The following SPDYA variants were observed in gnomAD, a reference collection of about 807,000 sequenced individuals.
SPDYA encodes the protein speedy/RINGO cell cycle regulator family member A, also known as speedy protein A.
SPDYA carries 11 observed loss-of-function variants against 36.7 expected under a neutral mutation model. The observed-to-expected ratio is 0.30, with a 90% CI of 0.19 to 0.50. SPDYA has a LOEUF of 0.50. SPDYA is among the 20% of genes least tolerant of loss of function. The pLI, the probability that SPDYA is intolerant of heterozygous loss-of-function variation, is 0.98. For synonymous variants in SPDYA, 115 were observed against 118.7 expected, an observed-to-expected ratio of 0.97 and a Z score of 0.20; for missense variants, 287 against 370.9, an observed-to-expected ratio of 0.77 and a Z score of 1.86.
chr2:28,836,402 T>G (rs947063522), intron 6 of SPDYA, among the ~76,000 whole-genome samples: 1 of 152,204 alleles, frequency 6.6e-6, no homozygotes, highest in Non-Finnish European at 1.5e-5. Context: ...CTTAGTAAGA[T>G]TGTGATTTGT....
chr2:28,829,249 T>C lies in SPDYA; in HGVS notation c.482T>C (p.Leu161Ser). Residue 161 changes from leucine (L) to serine (S), a missense_variant, in exon 6 of 8, where the codon TTA becomes TCA. Transcript: ENST00000334056. ...KNWRKLFPNFLKLRDQLWDRI... is the reference protein window; with the variant it reads ...KNWRKLFPNFSKLRDQLWDRI... Reference sequence around the variant, plus strand: ...TGGAGAAAATTGTTCCCTAATTTCTTAAAGTTAAGGGACCAGCTCTGGGAT... The same window carrying C: ...TGGAGAAAATTGTTCCCTAATTTCTCAAAGTTAAGGGACCAGCTCTGGGAT... 6.2e-7 allele frequency: 1 copy of C among 1,614,068 alleles called. No individual in the cohort carries two copies. The highest frequency in any genetic ancestry group is 2.2e-5 in the East Asian group (1 of 44,852).
At position 28,811,497 on chromosome 2, in the gene SPDYA, C is replaced by G. The variant is rs1667843924; in HGVS notation, c.-93+550C>G. On this transcript the variant is annotated intron_variant, in intron 1 of 7. Transcript: ENST00000334056. This position sits in a 1 kb window ranked among gnomAD's most constrained non-coding sequence, Gnocchi z 4.2. ...CTGTGTCTCAGTACCAGGCCCGTAGCTCATTTCTCAGAATTCACGAAGATT... is the reference window on the plus strand; with the variant it reads ...CTGTGTCTCAGTACCAGGCCCGTAGGTCATTTCTCAGAATTCACGAAGATT... 1.3e-5 allele frequency among the ~76,000 whole-genome samples: 2 copies of G among 152,114 alleles called. No homozygotes were observed. The highest frequency in any genetic ancestry group is 2.9e-5 in the Non-Finnish European group (2 of 68,030).
chr2:28,843,521 G>A (rs1395761040), intron 7 of SPDYA, among the ~76,000 whole-genome samples: 2 of 145,804 alleles, frequency 1.4e-5, no homozygotes, highest in East Asian at 3.9e-4. Flanking sequence ...CTGCACTCCA[G>A]CCTGTGCAAA....
rs777338299 is a variant in SPDYA at position 28,826,611 on chromosome 2, CTTTTTT to C, written c.381-2517_381-2512del. Among the ~76,000 whole-genome samples the C allele has an allele frequency of 1.1e-3, 84 of 75,350 alleles. 1 individual carries two copies. Among genetic ancestry groups the C allele is most frequent in the Admixed American group, 1.6e-3 (7 of 4,362 alleles). The allele number at this position is 75,350 out of a possible 152,430, so 49.4% of individuals were successfully genotyped here. ...AAATTTTCTTTTTCTTTCTTTCTCT[CTTTTTT>C]TTTTTTTTTTTTTTTTTTTGAGACA... is the stretch of plus-strand genomic sequence containing the variant. On this transcript the variant is annotated intron_variant, in intron 5 of 7. Coordinates refer to ENST00000334056, the MANE Select transcript of SPDYA (RefSeq NM_182756.4).
At chr2:28,816,896 CAGATT>C (rs1199547211) in intron 3 of SPDYA, among the ~76,000 whole-genome samples, 1 of 149,480 alleles carries the variant, frequency 6.7e-6, no homozygotes, top group Non-Finnish European at 1.5e-5. Context: ...ATAAGGTAAA[CAGATT>C]AGAAAAAGGG....
At chr2:28,832,773 C>T (rs1668507695) in intron 6 of SPDYA, among the ~76,000 whole-genome samples, 1 of 151,936 alleles carries the variant, frequency 6.6e-6, no homozygotes, top group Non-Finnish European at 1.5e-5. Flanking sequence ...ACCACTAATA[C>T]TATACTTTTA....
At chr2:28,817,993 C>G (rs1668030027) in intron 3 of SPDYA, among the ~76,000 whole-genome samples, 1 of 141,654 alleles carries the variant, frequency 7.1e-6, no homozygotes, top group Admixed American at 7.3e-5. Context: ...GAAACCCCCT[C>G]TCTACAATAC....
intron 5 of SPDYA, among the ~76,000 whole-genome samples, chr2:28,823,630 GAAA>G (rs1192990521): frequency 1.7e-5 from 1 of 59,840 alleles, no homozygotes. Context: ...TCTCAGGAAA[GAAA>G]AAAAAAAAAA....
At chr2:28,829,609 A>G (rs1668423525) in intron 6 of SPDYA, among the ~76,000 whole-genome samples, 1 of 151,736 alleles carries the variant, frequency 6.6e-6, no homozygotes, top group Admixed American at 6.6e-5. Context: ...GGAGTTTGAG[A>G]CCAGCCTGGC....
Position 28,840,249 on chromosome 2 carries a change from C to T in SPDYA, c.630C>T (p.Tyr210=). The part of the protein sequence containing the change: ...SVHHSGAVRN[Y]NRDEVQLPRG... Reference sequence around the variant, plus strand: ...ATCACAGTGGAGCTGTCAGAAACTACAACAGAGATGAAGTTCAGCTGCCCC... The same window carrying T: ...ATCACAGTGGAGCTGTCAGAAACTATAACAGAGATGAAGTTCAGCTGCCCC... The change falls in exon 7 of 8, where the codon TAC becomes TAT. Residue 210 remains tyrosine (Y), a synonymous_variant. Transcript: ENST00000334056. 1.2e-6 allele frequency: 2 copies of T among 1,614,024 alleles called. No homozygotes were observed. The highest frequency in any genetic ancestry group is 8.5e-7 in the Non-Finnish European group (1 of 1,179,982).
intron 3 of SPDYA, 131 bp downstream of exon 3, chr2:28,816,380 ATTTG>A (rs1667984040): frequency 1.4e-6 from 1 of 729,088 alleles, no homozygotes; most frequent in Admixed American, 3.8e-5. Context: ...CTCCAACCAA[ATTTG>A]TTTTTGTTTT....
At chr2:28,839,464 A>G (rs1371891418) in intron 6 of SPDYA, among the ~76,000 whole-genome samples, 1 of 152,158 alleles carries the variant, frequency 6.6e-6, no homozygotes, top group Non-Finnish European at 1.5e-5. Context: ...TTTTAAGATT[A>G]CCATAACACA....
At chr2:28,818,098 GAGGCTACAGTTGAGCCAAGATC>G (rs1270851503) in intron 3 of SPDYA, among the ~76,000 whole-genome samples, 1 of 151,620 alleles carries the variant, frequency 6.6e-6, no homozygotes, top group African/African-American at 2.4e-5. Flanking sequence ...CCAGGAGGTT[GAGGCTACAGTTGAGCCAAGATC>G]ACGCCACTGC....
At chr2:28,849,761 AT>A (rs1274616684) in intron 7 of SPDYA, 88 bp from the exon 8 acceptor site, 32 of 686,380 alleles carry the variant, frequency 4.7e-5, no homozygotes, top group Admixed American at 2.1e-4. Context: ...TTTCCTTATT[AT>A]TTTTTAAGAC....
At position 28,841,605 on chromosome 2, in the gene SPDYA, T is replaced by G. The variant is rs759534160; in HGVS notation, c.850+1136T>G. On this transcript the variant is annotated intron_variant, in intron 7 of 7. Transcript: ENST00000334056. ...ATTATTTCAAAATTTTACCTATTTGTTTTTACCACAAAGATATTAATAGTG... is the reference window on the plus strand; with the variant it reads ...ATTATTTCAAAATTTTACCTATTTGGTTTTACCACAAAGATATTAATAGTG... 2.1e-4 allele frequency among the ~76,000 whole-genome samples: 32 copies of G among 152,272 alleles called. 1 individual carries two copies. The Middle Eastern group carries it at 0.01, about 49-fold the overall frequency.
chr2:28,834,721 G>A (rs61458479), intron 6 of SPDYA, among the ~76,000 whole-genome samples: 13,375 of 152,236 alleles, frequency 0.088, 814 homozygotes, highest in East Asian at 0.21. Context: ...TGAGAGAAGG[G>A]AGAAAATGGA....
chr2:28,839,055 A>C (rs1040125048), intron 6 of SPDYA, among the ~76,000 whole-genome samples: 1 of 152,194 alleles, frequency 6.6e-6, no homozygotes, highest in African/African-American at 2.4e-5. Flanking sequence ...GCTTGACTTA[A>C]ATAATTGTCA....
chr2:28,821,755 G>A (rs1190924279), intron 4 of SPDYA, among the ~76,000 whole-genome samples: 5 of 152,118 alleles, frequency 3.3e-5, no homozygotes, highest in Admixed American at 2.6e-4. Flanking sequence ...TGGCATATGT[G>A]CTAATAATCA....
chr2:28,826,131 T>G (rs770301008), intron 5 of SPDYA, among the ~76,000 whole-genome samples: 7 of 151,796 alleles, frequency 4.6e-5, no homozygotes, highest in Non-Finnish European at 1.0e-4. Context: ...GATTAAGGAT[T>G]GATGTTTTTC....
Sources: gnomAD v4.1 joint callset for allele counts (sites outside exome capture counted in the v4.1 genomes callset) on GRCh38, gnomAD v4.1.1 for gene constraint, Gnocchi (gnomAD v3.1) non-coding constraint, MANE v1.5 for transcripts, NCBI Gene and HGNC (gene_info 2026-07-23, HGNC 2026-07-21) for gene names.